Variants in MDH1 observed in about 807,000 individuals in gnomAD.
MDH1 encodes malate dehydrogenase, cytoplasmic.
A neutral mutation model predicts 38.7 loss-of-function variants in MDH1; 15 were observed. The ratio of observed to expected loss-of-function variants is 0.39; its 90% CI spans 0.26 to 0.60. The LOEUF is 0.60. Ranked by LOEUF, MDH1 falls within the 20% of genes least tolerant of loss-of-function variation. The pLI, the probability that MDH1 is intolerant of heterozygous loss-of-function variation, is 0.56. For synonymous variants in MDH1, 144 were observed against 143.6 expected (o/e 1.00, Z -0.02); for missense variants, 368 against 405.2 (o/e 0.91, Z 0.79).
intron 7 of MDH1, among the ~76,000 whole-genome samples, chr2:63,605,621 G>C (rs963918919): frequency 6.6e-6 from 1 of 152,192 alleles, no homozygotes; most frequent in African/African-American, 2.4e-5. Context: ...GGTTAAAGGA[G>C]ATTGCACATG....
rs553161578 is a variant in MDH1 at position 63,601,746 on chromosome 2, G to A, written c.498+2454G>A. ...AGCCAAGGAGGACTGAGGGTGGAGA[G>A]GCCTAGAGGCATTTTGTCTTCACTG... On this transcript the variant is annotated intron_variant, in intron 5 of 8. Transcript: ENST00000233114. Among the ~76,000 whole-genome samples the A allele has an allele frequency of 9.2e-5, 14 of 152,262 alleles. No individual in the cohort carries two copies. In the East Asian group the frequency reaches 2.7e-3, roughly 29 times the overall value.
intron 1 of MDH1, chr2:63,589,817 C>A: frequency 4.4e-6 from 1 of 227,228 alleles, no homozygotes. Flanking sequence ...GGAACTCTGG[C>A]GTAGGAATAA....
intron 6 of MDH1, among the ~76,000 whole-genome samples, 190 bp downstream of exon 6, chr2:63,605,062 C>T (rs1439101394): frequency 6.6e-6 from 1 of 152,138 alleles, no homozygotes; most frequent in Non-Finnish European, 1.5e-5. Context: ...ATACCAAGAT[C>T]CATGTCTTTG....
At chr2:63,595,353 T>C (rs1175820541) in intron 2 of MDH1, 70 bp from the exon 3 acceptor site, 2 of 955,244 alleles carry the variant, frequency 2.1e-6, no homozygotes, top group South Asian at 1.3e-5. Context: ...ATAAAAACTA[T>C]GTGAAAAGAC....
chr2:63,594,609 C>T, intron 2 of MDH1, 23 bp downstream of exon 2: 1 of 1,500,648 alleles, frequency 6.7e-7, no homozygotes, highest in Non-Finnish European at 9.3e-7. Context: ...GTCTATAAAT[C>T]TTAAGTTATT....
intron 2 of MDH1, 30 bp downstream of exon 2, chr2:63,594,616 T>C (rs770366182): frequency 6.9e-7 from 1 of 1,451,770 alleles, no homozygotes; most frequent in Admixed American, 1.7e-5. Context: ...AATCTTAAGT[T>C]ATTAGAGTAA....
chr2:63,589,276 G>C, intron 1 of MDH1: 8 of 1,551,176 alleles, frequency 5.2e-6, no homozygotes, highest in Non-Finnish European at 7.0e-6. Flanking sequence ...TGGAGAAGTA[G>C]TTGTCCTGGG....
intron 3 of MDH1, among the ~76,000 whole-genome samples, 171 bp downstream of exon 3, chr2:63,595,690 A>C (rs1709296869): frequency 6.6e-6 from 1 of 152,220 alleles, no homozygotes; most frequent in African/African-American, 2.4e-5. Flanking sequence ...AAATAAGGGT[A>C]AGAAATGAGC....
In MDH1 at chr2:63,604,816, G is replaced by A. The variant is rs1385571305; in HGVS notation, c.619G>A (p.Val207Ile). The A allele has an allele frequency of 2.5e-6, 4 of 1,614,108 alleles. No individual in the cohort carries two copies. In the African/African-American group the frequency reaches 5.3e-5, roughly 22 times the overall value. ...HAKVKLQGKEVGVYEALKDDS... is the reference protein window; with the variant it reads ...HAKVKLQGKEIGVYEALKDDS... ...CAAGGTGAAATTGCAAGGAAAGGAA[G>A]TTGGTGTTTATGAAGCTCTGAAAGA... Residue 207 changes from valine (V) to isoleucine (I), a missense_variant, in exon 6 of 9, where the codon GTT becomes ATT. By Grantham distance (29) the Val-to-Ile change is conservative (BLOSUM62 3). Coordinates refer to ENST00000233114, the MANE Select transcript of MDH1 (RefSeq NM_005917.4).
chr2:63,598,978 A>G (rs1411685467), intron 4 of MDH1, among the ~76,000 whole-genome samples, 192 bp from the exon 5 acceptor site: 3 of 152,058 alleles, frequency 2.0e-5, no homozygotes, highest in Non-Finnish European at 2.9e-5. Flanking sequence ...TATTATTTCA[A>G]AATTTTTTAT....
rs777304823 is a variant in MDH1 at position 63,606,899 on chromosome 2, A to C, written c.917A>C (p.Asn306Thr). ...TWKFVEGLPI[N>T]DFSREKMDLT... is the part of the protein sequence containing the mutation. ...AAGTTTGTTGAAGGTCTCCCTATTA[A>C]TGATTTCTCACGTGAGAAGATGGAT... Residue 306 changes from asparagine (N) to threonine (T), a missense_variant, in exon 9 of 9, where the codon AAT becomes ACT. By Grantham distance (65) the Asn-to-Thr change is moderately conservative. Transcript: ENST00000233114. 5.0e-6 allele frequency: 8 copies of C among 1,612,066 alleles called. No homozygotes were observed. In the African/African-American group the frequency reaches 1.1e-4, roughly 22 times the overall value.
chr2:63,589,884 C>T (rs373095432), intron 1 of MDH1: 1 of 169,952 alleles, frequency 5.9e-6, no homozygotes, highest in Non-Finnish European at 1.3e-5. Context: ...TCGCTTCATA[C>T]TATCAATACA....
chr2:63,606,161 T>A, intron 8 of MDH1, 133 bp downstream of exon 8: 1 of 837,234 alleles, frequency 1.2e-6, no homozygotes, highest in South Asian at 1.5e-5. Context: ...GTGGCAAGAT[T>A]GCTTGAGCCC....
intron 5 of MDH1, among the ~76,000 whole-genome samples, chr2:63,603,642 T>C (rs1474359710): frequency 6.7e-6 from 1 of 150,228 alleles, no homozygotes; most frequent in African/African-American, 2.4e-5. Flanking sequence ...TATTTAAATC[T>C]ACCAAGACAT....
chr2:63,594,829 C>T (rs575435121), intron 2 of MDH1: 1 of 374,962 alleles, frequency 2.7e-6, no homozygotes, highest in African/African-American at 2.1e-5. Flanking sequence ...GTGCAACCAG[C>T]AGGTGTCAGT....
intron 5 of MDH1, among the ~76,000 whole-genome samples, chr2:63,604,459 A>G (rs1375381005): frequency 6.6e-6 from 1 of 152,254 alleles, no homozygotes; most frequent in African/African-American, 2.4e-5. Context: ...GGGATGCTTC[A>G]TACCCTTAAA....
At chr2:63,601,012 G>A (rs573506596) in intron 5 of MDH1, among the ~76,000 whole-genome samples, 4 of 152,318 alleles carry the variant, frequency 2.6e-5, no homozygotes, top group African/African-American at 9.6e-5. Flanking sequence ...ACTTCAAAGA[G>A]ATACTTTGTC....
At chr2:63,605,019 T>G in intron 6 of MDH1, 147 bp downstream of exon 6, 1 of 760,964 alleles carries the variant, frequency 1.3e-6, no homozygotes, top group Non-Finnish European at 2.1e-6. Flanking sequence ...AGTCATGATC[T>G]AGTGTGATCT....
chr2:63,604,720 G>A lies in MDH1; in HGVS notation c.523G>A (p.Ala175Thr). 6.2e-7 allele frequency: 1 copy of A among 1,613,974 alleles called. No individual in the cohort carries two copies. Among genetic ancestry groups the A allele is most frequent in the Admixed American group, 1.7e-5 (1 of 60,004 alleles). The change falls in exon 6 of 9, where the codon GCT becomes ACT. Residue 175 changes from alanine (A) to threonine (T), a missense_variant. Ala to Thr is a moderately conservative substitution (Grantham distance 58, BLOSUM62 0). Coordinates refer to ENST00000233114, the MANE Select transcript of MDH1 (RefSeq NM_005917.4). Reference protein sequence around the residue: ...AQIALKLGVTANDVKNVIIWG... With the variant: ...AQIALKLGVTTNDVKNVIIWG... Reference sequence around the variant, plus strand: ...GATTGCTCTTAAACTTGGTGTGACTGCTAATGATGTAAAGAATGTCATTAT... The same window carrying A: ...GATTGCTCTTAAACTTGGTGTGACTACTAATGATGTAAAGAATGTCATTAT...
Sources: allele counts gnomAD v4.1 joint callset (sites outside exome capture counted in the v4.1 genomes callset), GRCh38; gene constraint gnomAD v4.1.1; transcripts MANE v1.5; gene names NCBI Gene and HGNC (gene_info 2026-07-23, HGNC 2026-07-21).